The following DCAF13 variants were observed in gnomAD, a reference collection of about 807,000 sequenced individuals.
DCAF13 encodes DDB1- and CUL4-associated factor 13.
A neutral mutation model predicts 59.0 loss-of-function variants in DCAF13; 38 were observed. That is an observed-to-expected ratio of 0.64 (90% CI 0.50 to 0.84). The LOEUF (loss-of-function observed/expected upper bound fraction) is 0.84, where lower values mean the gene tolerates loss of function less well. DCAF13 is among the 40% of genes least tolerant of loss of function. The pLI, the probability that DCAF13 is intolerant of heterozygous loss-of-function variation, is 0.00. For missense variants in DCAF13, 469 were observed against 558.4 expected (o/e 0.84, Z 1.61); for synonymous variants, 173 against 175.0 (o/e 0.99, Z 0.09).
At chr8:103,440,892 AAAGGGT>A (rs1417359798) in intron 9 of DCAF13, 1 of 152,310 alleles carries the variant, frequency 6.6e-6, no homozygotes, top group Non-Finnish European at 1.5e-5. Context: ...TTTAAGAAGG[AAAGGGT>A]AAGTGTGAAT....
At chr8:103,417,116 C>T (rs1425630829) in intron 1 of DCAF13, among the ~76,000 whole-genome samples, 4 of 152,166 alleles carry the variant, frequency 2.6e-5, no homozygotes, top group Admixed American at 6.5e-5. Flanking sequence ...CTGAACCAGT[C>T]CCACTCTTTA....
rs755309968 is a variant in DCAF13, at chr8:103,420,999, C to T, written c.295C>T (p.Arg99Trp). The T allele has an allele frequency of 9.9e-6, 16 of 1,612,294 alleles. No homozygotes were observed. In the Admixed American group the frequency reaches 2.2e-4, roughly 22 times the overall value. Residue 99 changes from arginine (R) to tryptophan (W), a missense_variant, in exon 3 of 11, where the codon CGG (arginine) becomes TGG (tryptophan). Arg to Trp is a moderately radical substitution (Grantham distance 101). Around this residue, in one of 3 missense-constraint regions of DCAF13, gnomAD observed 355 missense variants for 399.1 expected, o/e 0.89. Transcript: ENST00000612750. ...GEVRIWNLTQ[R>W]NCIRTIQAHE... Reference sequence around the variant, plus strand: ...GGTTAGAATTTGGAATCTAACTCAGCGGAATTGTATCCGTACAATACAAGC... The same window carrying T: ...GGTTAGAATTTGGAATCTAACTCAGTGGAATTGTATCCGTACAATACAAGC...
At chr8:103,434,159 C>T (rs1816902477) in intron 7 of DCAF13, among the ~76,000 whole-genome samples, 1 of 151,904 alleles carries the variant, frequency 6.6e-6, no homozygotes, top group East Asian at 1.9e-4. Context: ...TTTTATTGCC[C>T]TTTAGATATT....
In DCAF13 at chr8:103,437,458, G is replaced by C. The variant is rs115365079; in HGVS notation, c.950+1668G>C. On this transcript the variant is annotated intron_variant, in intron 8 of 10. Transcript: ENST00000612750. ...AATTATTCCAAAGCTAGTGTGGACA[G>C]CTAAATGTAGGTCTAGCTAGAAAAC... Among the ~76,000 whole-genome samples, 950 of 152,322 alleles carry C rather than the reference G, an allele frequency of 6.2e-3. 9 individuals are homozygous for C. Among genetic ancestry groups the C allele is most frequent in the African/African-American group, 0.021 (884 of 41,578 alleles).
At chr8:103,432,763 A>C in intron 7 of DCAF13, 22 bp downstream of exon 7, 3 of 1,449,310 alleles carry the variant, frequency 2.1e-6, no homozygotes, top group Non-Finnish European at 2.9e-6. Context: ...TCTTTTAAAA[A>C]CTTGTGTATT....
chr8:103,417,248 AT>A (rs956347693), intron 1 of DCAF13, among the ~76,000 whole-genome samples: 26 of 152,150 alleles, frequency 1.7e-4, no homozygotes, highest in Admixed American at 7.9e-4. Flanking sequence ...TACTGCTTGA[AT>A]TTTTTTTATA....
Position 103,426,808 on chromosome 8 carries a change from G to C in DCAF13, c.469-289G>C, listed in dbSNP as rs1287210496. 4.6e-5 allele frequency among the ~76,000 whole-genome samples: 7 copies of C among 152,096 alleles called. No homozygotes were observed. The East Asian group carries it at 1.2e-3, about 25-fold the overall frequency. On this transcript the variant is annotated intron_variant, in intron 4 of 10. Transcript: ENST00000612750. ...ATTTAGGTTCTGCTTTAGGTTTCAA[G>C]AAGACTAAATGTTCTTAAAGGGATA...
chr8:103,427,220 A>T lies in DCAF13; in HGVS notation c.592A>T (p.Ser198Cys). ...PICSMTWGFD[S>C]ISSVKFNPIE... ...ATGTTCAATGACCTGGGGATTTGACAGTATAAGTAGTGTTAAATTTAACCC... is the reference window on the plus strand; with the variant it reads ...ATGTTCAATGACCTGGGGATTTGACTGTATAAGTAGTGTTAAATTTAACCC... The change falls in exon 5 of 11, where the codon AGT becomes TGT. Residue 198 changes from serine (S) to cysteine (C), a missense_variant. By Grantham distance (112) the Ser-to-Cys change is moderately radical. Coordinates refer to ENST00000612750, the MANE Select transcript of DCAF13 (RefSeq NM_015420.7). 1 of 1,613,276 alleles carries T rather than the reference A, an allele frequency of 6.2e-7. No individual in the cohort carries two copies. The highest frequency in any genetic ancestry group is 8.5e-7 in the Non-Finnish European group (1 of 1,179,458).
At chr8:103,421,142 G>T in intron 3 of DCAF13, 60 bp downstream of exon 3, 1 of 1,156,472 alleles carries the variant, frequency 8.6e-7, no homozygotes, top group Non-Finnish European at 1.3e-6. Context: ...TAATCTAATT[G>T]AATACATTTT....
In DCAF13 at chr8:103,420,464, G is replaced by A; in HGVS notation, c.270+1G>A. On this transcript the variant is annotated splice_donor_variant, in intron 2 of 10. Coordinates refer to ENST00000612750, the MANE Select transcript of DCAF13 (RefSeq NM_015420.7). LOFTEE classifies it high-confidence loss of function. ...CCTTTCTGGGGCGTGTGATGGAGAG[G>A]CAAGTGTCAATCTAGATGATATTTT... 6.2e-6 allele frequency: 10 copies of A among 1,612,198 alleles called. No homozygotes were observed. The highest frequency in any genetic ancestry group is 8.5e-6 in the Non-Finnish European group (10 of 1,178,952).
intron 3 of DCAF13, among the ~76,000 whole-genome samples, chr8:103,424,202 T>C (rs1816759226): frequency 6.6e-6 from 1 of 152,124 alleles, no homozygotes; most frequent in African/African-American, 2.4e-5. Context: ...TATTTATTTT[T>C]ATTTTTAGTA....
rs1013199356 is a variant in DCAF13 at position 103,427,292 on chromosome 8, T to C, written c.624+40T>C. On this transcript the variant is annotated intron_variant, in intron 5 of 10. Coordinates refer to ENST00000612750, the MANE Select transcript of DCAF13 (RefSeq NM_015420.7). ...TAAGTATGTTTTACTTATTATGGCT[T>C]AATAATTTCAGTTCTGTTTAGAAAA... 4 of 1,543,160 alleles carry C rather than the reference T, an allele frequency of 2.6e-6. No homozygotes were observed. The Admixed American group carries it at 5.4e-5, about 21-fold the overall frequency.
intron 4 of DCAF13, 88 bp from the exon 5 acceptor site, chr8:103,427,009 G>A: frequency 9.7e-7 from 1 of 1,027,646 alleles, no homozygotes; most frequent in Non-Finnish European, 1.4e-6. Context: ...TCTCTAAAAA[G>A]ATAGTATAGA....
chr8:103,418,858 A>ATATT (rs1554630659), intron 1 of DCAF13, among the ~76,000 whole-genome samples: 70 of 34,954 alleles, frequency 2.0e-3, no homozygotes, highest in African/African-American at 5.0e-3. Context: ...ATATATATAT[A>ATATT]TATATATATT....
At chr8:103,435,345 A>G (rs1342651668) in intron 7 of DCAF13, among the ~76,000 whole-genome samples, 2 of 152,136 alleles carry the variant, frequency 1.3e-5, no homozygotes, top group Non-Finnish European at 1.5e-5. Flanking sequence ...AGTAGAATTC[A>G]AGGTAATTTT....
At chr8:103,431,434 T>TG (rs1450151266) in intron 6 of DCAF13, among the ~76,000 whole-genome samples, 2 of 152,244 alleles carry the variant, frequency 1.3e-5, no homozygotes, top group Non-Finnish European at 2.9e-5. Flanking sequence ...TTTTAATACT[T>TG]GCTTTTGTTA....
intron 1 of DCAF13, among the ~76,000 whole-genome samples, chr8:103,418,610 G>A (rs538109457): frequency 6.6e-6 from 1 of 151,510 alleles, no homozygotes; most frequent in Non-Finnish European, 1.5e-5. Flanking sequence ...AAGAGATGAT[G>A]AGTAGGACTT....
chr8:103,427,176 A>G lies in DCAF13; in HGVS notation c.548A>G (p.Glu183Gly), dbSNP rs763209111. 39 of 1,613,590 alleles carry G rather than the reference A, an allele frequency of 2.4e-5. No individual in the cohort carries two copies. The highest frequency in any genetic ancestry group is 3.3e-5 in the Admixed American group (2 of 59,998). ...GGACAGCAAGTAGACATTTGGGATG[A>G]ACAAAGAACTAATCCTATATGTTCA... ...TCGQQVDIWD[E>G]QRTNPICSMT... Residue 183 changes from glutamate (E) to glycine (G), a missense_variant, in exon 5 of 11, where the codon GAA becomes GGA. Around this residue, in one of 3 missense-constraint regions of DCAF13, gnomAD observed 355 missense variants for 399.1 expected, o/e 0.89. Coordinates refer to ENST00000612750, the MANE Select transcript of DCAF13 (RefSeq NM_015420.7).
chr8:103,435,768 C>A lies in DCAF13; in HGVS notation c.928C>A (p.Pro310Thr). The change falls in exon 8 of 11, where the codon CCT becomes ACT. Residue 310 changes from proline to threonine, a missense_variant. By Grantham distance (38) the Pro-to-Thr change is conservative. Coordinates refer to ENST00000612750, the MANE Select transcript of DCAF13 (RefSeq NM_015420.7). ...ASFDKSIRIF[P>T]VDKSRSREVY... Reference sequence around the variant, plus strand: ...TTTCGATAAATCTATTCGAATCTTTCCTGTAGACAAAAGTCGAAGCAGGTA... The same window carrying A: ...TTTCGATAAATCTATTCGAATCTTTACTGTAGACAAAAGTCGAAGCAGGTA... The A allele has an allele frequency of 1.2e-6, 2 of 1,613,602 alleles. No homozygotes were observed. Among genetic ancestry groups the A allele is most frequent in the Non-Finnish European group, 1.7e-6 (2 of 1,179,734 alleles).
Sources: allele counts gnomAD v4.1 joint callset (sites outside exome capture counted in the v4.1 genomes callset), GRCh38; gene constraint gnomAD v4.1.1; regional missense constraint gnomAD v4.1.1; transcripts MANE v1.5; gene names NCBI Gene and HGNC (gene_info 2026-07-23, HGNC 2026-07-21).